The following GANC variants were observed in gnomAD, a reference collection of about 807,000 sequenced individuals.
GANC encodes the protein neutral alpha-glucosidase C.
GANC carries 117 observed loss-of-function variants against 124.2 expected under a neutral mutation model. The ratio of observed to expected loss-of-function variants is 0.94; its 90% CI spans 0.81 to 1.10. The LOEUF is 1.10. Among genes scored for constraint, GANC ranks in the 50% least tolerant of loss-of-function variants. GANC has a pLI of 0.00. For missense variants in GANC, 1,140 were observed against 1,095.0 expected, an observed-to-expected ratio of 1.04 and a Z score of -0.58; for synonymous variants, 377 against 376.8, an observed-to-expected ratio of 1.00 and a Z score of -0.01.
At chr15:42,310,219 G>T (rs1231443279) in intron 8 of GANC, 64 bp from the exon 9 acceptor site, 1 of 1,244,032 alleles carries the variant, frequency 8.0e-7, no homozygotes, top group African/African-American at 1.5e-5. Flanking sequence ...GAGTAGAGCT[G>T]TTCTATTTAT....
chr15:42,336,014 A>G (rs1159712013), intron 15 of GANC, among the ~76,000 whole-genome samples: 2 of 152,174 alleles, frequency 1.3e-5, no homozygotes, highest in Non-Finnish European at 2.9e-5. Context: ...GATAGGAAAA[A>G]TCAATATTGT....
rs1181218216 is a variant in GANC, at chr15:42,339,930, A to G, written c.2087+18A>G. The G allele has an allele frequency of 3.1e-6, 5 of 1,604,380 alleles. No individual in the cohort carries two copies. In the South Asian group the frequency reaches 3.3e-5, roughly 11 times the overall value. Reference sequence around the variant, plus strand: ...GTCATGAGGTAAAAAAGCTTCATCCATTCAGGGACCCCAGCAACCAATCTG... The same window carrying G: ...GTCATGAGGTAAAAAAGCTTCATCCGTTCAGGGACCCCAGCAACCAATCTG... On this transcript the variant is annotated intron_variant, in intron 17 of 23. Transcript: ENST00000318010.
intron 13 of GANC, among the ~76,000 whole-genome samples, chr15:42,328,808 G>A (rs768637847): frequency 6.6e-6 from 1 of 152,192 alleles, no homozygotes; most frequent in Non-Finnish European, 1.5e-5. Context: ...GAACAGTTCT[G>A]TGTAGGATAC....
At position 42,273,217 on chromosome 15, in the gene GANC, C is replaced by T. The variant is rs768573666; in HGVS notation, c.-1265C>T. On this transcript the variant is annotated 5_prime_UTR_variant, in exon 1 of 24. Coordinates refer to ENST00000318010, the MANE Select transcript of GANC (RefSeq NM_198141.3). ...TGGGCCGCCGTAGCCCCACCCCTTGCTCCTCTAGGTTCAGACGTTAGTGAA... is the reference window on the plus strand; with the variant it reads ...TGGGCCGCCGTAGCCCCACCCCTTGTTCCTCTAGGTTCAGACGTTAGTGAA... The T allele has an allele frequency of 9.9e-6, 16 of 1,610,544 alleles. No homozygotes were observed. The highest frequency in any genetic ancestry group is 2.2e-5 in the East Asian group (1 of 44,808).
chr15:42,349,763 C>T (rs2052406918), intron 22 of GANC, among the ~76,000 whole-genome samples: 1 of 151,948 alleles, frequency 6.6e-6, no homozygotes, highest in Non-Finnish European at 1.5e-5. Flanking sequence ...TTTCTCCTGC[C>T]TCAGCCTCCC....
At chr15:42,320,907 C>T (rs745717626) in intron 10 of GANC, among the ~76,000 whole-genome samples, 1 of 152,172 alleles carries the variant, frequency 6.6e-6, no homozygotes, top group Admixed American at 6.5e-5. Context: ...CTTTGGCCAA[C>T]AGTTACCACC....
intron 10 of GANC, among the ~76,000 whole-genome samples, chr15:42,313,105 C>T (rs1479615431): frequency 6.6e-6 from 1 of 152,162 alleles, no homozygotes; most frequent in Non-Finnish European, 1.5e-5. Flanking sequence ...ATTATAATTT[C>T]AATAAAGGTT....
At chr15:42,318,404 T>C (rs1210807391) in intron 10 of GANC, among the ~76,000 whole-genome samples, 1 of 152,214 alleles carries the variant, frequency 6.6e-6, no homozygotes, top group East Asian at 1.9e-4. Flanking sequence ...ATATTCTTTC[T>C]CTCAGAATTT....
At position 42,274,412 on chromosome 15, in the gene GANC, G is replaced by C. The variant is rs925129938; in HGVS notation, c.-70G>C. On this transcript the variant is annotated 5_prime_UTR_variant, in exon 1 of 24. Coordinates refer to ENST00000318010, the MANE Select transcript of GANC (RefSeq NM_198141.3). ...TGTAATTTTAGAAAGACACCCAATCGGCTTTTTTAAAAGATCGCCCAGGGC... is the reference window on the plus strand; with the variant it reads ...TGTAATTTTAGAAAGACACCCAATCCGCTTTTTTAAAAGATCGCCCAGGGC... The C allele has an allele frequency of 1.2e-5, 18 of 1,531,104 alleles. No homozygotes were observed. Among genetic ancestry groups the C allele is most frequent in the Non-Finnish European group, 1.6e-5 (18 of 1,122,450 alleles). The allele number at this position is 1,531,104 out of a possible 1,614,324, so 94.8% of individuals were successfully genotyped here. A position where few individuals can be genotyped will look rare whatever the true frequency, so the allele number is the denominator to read the frequency against.
chr15:42,283,235 G>A (rs970294360), intron 3 of GANC, among the ~76,000 whole-genome samples: 1 of 152,190 alleles, frequency 6.6e-6, no homozygotes, highest in African/African-American at 2.4e-5. Context: ...AGATGCATAA[G>A]TTTTCTCACA....
intron 18 of GANC, among the ~76,000 whole-genome samples, chr15:42,342,004 A>G (rs1028342072): frequency 4.0e-5 from 6 of 151,882 alleles, no homozygotes; most frequent in African/African-American, 1.5e-4. Flanking sequence ...TTATTATGTA[A>G]CTTTCATTCC....
At chr15:42,295,658 AC>A (rs2051884114) in intron 5 of GANC, among the ~76,000 whole-genome samples, 1 of 148,618 alleles carries the variant, frequency 6.7e-6, no homozygotes, top group Admixed American at 6.7e-5. Flanking sequence ...ACACACACAC[AC>A]ACACACACAC....
At chr15:42,328,308 A>G (rs1303700829) in intron 13 of GANC, among the ~76,000 whole-genome samples, 1 of 152,184 alleles carries the variant, frequency 6.6e-6, no homozygotes, top group African/African-American at 2.4e-5. Flanking sequence ...CTTTTGTACT[A>G]CTATGGCAGA....
chr15:42,333,121 AGTTTGAG>A (rs1396647724), intron 15 of GANC, among the ~76,000 whole-genome samples: 6 of 151,122 alleles, frequency 4.0e-5, no homozygotes, highest in Admixed American at 4.0e-4. Flanking sequence ...TGAGGTTAGG[AGTTTGAG>A]ACCAGCCTGG....
chr15:42,309,526 G>A (rs2052031260), intron 8 of GANC, among the ~76,000 whole-genome samples: 1 of 151,842 alleles, frequency 6.6e-6, no homozygotes, highest in African/African-American at 2.4e-5. Flanking sequence ...CACAGTGTTG[G>A]CCAGGATGGT....
intron 22 of GANC, among the ~76,000 whole-genome samples, chr15:42,349,798 ACCAACATACC>A: frequency 6.6e-6 from 1 of 150,944 alleles, no homozygotes; most frequent in Middle Eastern, 3.4e-3. Context: ...ACAGGCATGC[ACCAACATACC>A]CGGCTAATTT....
chr15:42,323,508 T>TA (rs1424671551), intron 11 of GANC, among the ~76,000 whole-genome samples: 1 of 52,470 alleles, frequency 1.9e-5, no homozygotes, highest in Non-Finnish European at 8.7e-5. Context: ...ATTTTTTATT[T>TA]AATTTTTTTT....
At chr15:42,343,005 C>G in intron 18 of GANC, 73 bp from the exon 19 acceptor site, 8 of 1,251,308 alleles carry the variant, frequency 6.4e-6, no homozygotes, top group Non-Finnish European at 9.3e-6. Context: ...ATAGCTAGCA[C>G]TCAGTTAAAG....
chr15:42,313,029 T>C (rs2052068333), intron 10 of GANC, among the ~76,000 whole-genome samples: 1 of 151,762 alleles, frequency 6.6e-6, no homozygotes. Flanking sequence ...AGTAAACCCA[T>C]ACGCTTATGG....
Sources: allele counts gnomAD v4.1 joint callset (sites outside exome capture counted in the v4.1 genomes callset), GRCh38; gene constraint gnomAD v4.1.1; transcripts MANE v1.5; gene names NCBI Gene and HGNC (gene_info 2026-07-23, HGNC 2026-07-21).